Variants in LPA observed in about 807,000 individuals in gnomAD.
LPA encodes the protein lipoprotein(a), also known as apolipoprotein(a).
A neutral mutation model predicts 197.9 loss-of-function variants in LPA; 199 were observed. The ratio of observed to expected loss-of-function variants is 1.01; its 90% CI spans 0.90 to 1.13. The LOEUF is 1.13. LPA is among the 50% of genes most tolerant of loss of function. The pLI is 0.00. For synonymous variants in LPA, 715 were observed against 639.5 expected, an observed-to-expected ratio of 1.12 and a Z score of -1.78; for missense variants, 1,853 against 1,785.8, an observed-to-expected ratio of 1.04 and a Z score of -0.68.
At chr6:160,597,154 G>T (rs1432146802) in intron 20 of LPA, among the ~76,000 whole-genome samples, 1 of 152,168 alleles carries the variant, frequency 6.6e-6, no homozygotes, top group African/African-American at 2.4e-5. Flanking sequence ...CGGTAGTTCG[G>T]TATAATGTTA....
intron 1 of LPA, among the ~76,000 whole-genome samples, chr6:160,658,598 C>T (rs1381652089): frequency 6.6e-6 from 1 of 152,204 alleles, no homozygotes; most frequent in Non-Finnish European, 1.5e-5. Flanking sequence ...AGTCACTAAA[C>T]TCCTTGCCTC....
rs369415160 is a variant in LPA, at chr6:160,531,805, C to T, written c.6047G>A (p.Arg2016His). The T allele has an allele frequency of 3.2e-5, 52 of 1,614,082 alleles. No homozygotes were observed. Among genetic ancestry groups the T allele is most frequent in the African/African-American group, 4.0e-5 (3 of 75,026 alleles). Residue 2016 changes from arginine (R) to histidine (H), a missense_variant, in exon 39 of 39, where the codon CGC (arginine) becomes CAC (histidine). By Grantham distance (29) the Arg-to-His change is conservative (BLOSUM62 0). This residue lies in a region of LPA where 1,737 missense variants were observed against 1,504.4 expected (regional missense o/e 1.15). Coordinates refer to ENST00000316300, the MANE Select transcript of LPA (RefSeq NM_005577.4). Reference sequence around the variant, plus strand: ...AGCATAGACACCAGGCTTATTGGGGCGTGCACAGCCAAGACCCCAAGAAGT... The same window carrying T: ...AGCATAGACACCAGGCTTATTGGGGTGTGCACAGCCAAGACCCCAAGAAGT... ...GVTSWGLGCA[R>H]PNKPGVYARV...
chr6:160,542,294 G>A (rs1777993458), intron 34 of LPA, among the ~76,000 whole-genome samples: 1 of 152,162 alleles, frequency 6.6e-6, no homozygotes, highest in Admixed American at 6.5e-5. Context: ...ATAGACTGTA[G>A]GTAAGTTTGC....
chr6:160,658,884 A>G (rs1780174382), intron 1 of LPA, among the ~76,000 whole-genome samples: 1 of 127,458 alleles, frequency 7.8e-6, no homozygotes, highest in Non-Finnish European at 1.8e-5. Flanking sequence ...TTATATATAT[A>G]TATATATGAG....
intron 20 of LPA, 150 bp from the exon 21 acceptor site, chr6:160,595,685 C>A: frequency 1.8e-6 from 2 of 1,135,800 alleles, no homozygotes; most frequent in Middle Eastern, 2.9e-4. Flanking sequence ...TGGTCCTCAA[C>A]TTCTAAACAA....
In LPA at chr6:160,546,075, G is replaced by T. The variant is rs561285478; in HGVS notation, c.5305-542C>A. Among the ~76,000 whole-genome samples the T allele has an allele frequency of 2.0e-5, 3 of 152,238 alleles. No homozygotes were observed. The South Asian group carries it at 6.2e-4, about 32-fold the overall frequency. Reference sequence around the variant, plus strand: ...TAACACAGAGCTCCTAAATCCCTTGGAGTTTCCTGGGTGAAGGGAGCTGCA... The same window carrying T: ...TAACACAGAGCTCCTAAATCCCTTGTAGTTTCCTGGGTGAAGGGAGCTGCA... On this transcript the variant is annotated intron_variant, in intron 32 of 38. Coordinates refer to ENST00000316300, the MANE Select transcript of LPA (RefSeq NM_005577.4).
chr6:160,588,256 G>GTT (rs201471654), intron 24 of LPA, among the ~76,000 whole-genome samples: 1 of 149,508 alleles, frequency 6.7e-6, no homozygotes, highest in Admixed American at 6.7e-5. Flanking sequence ...GGGGGGTTGA[G>GTT]TTTTTTTTTT....
chr6:160,660,967 C>A (rs1780215212), intron 1 of LPA, among the ~76,000 whole-genome samples: 1 of 152,144 alleles, frequency 6.6e-6, no homozygotes, highest in Non-Finnish European at 1.5e-5. Flanking sequence ...GAGATCAAAT[C>A]TGAGGCAACA....
intron 32 of LPA, 110 bp downstream of exon 32, chr6:160,547,679 G>A (rs1778094645): frequency 6.8e-7 from 1 of 1,475,180 alleles, no homozygotes; most frequent in Non-Finnish European, 9.4e-7. Context: ...CCATGCTAAG[G>A]CTAATTACGC....
At chr6:160,650,583 GTC>G (rs1329733231) in intron 1 of LPA, 86 bp from the exon 2 acceptor site, 1 of 1,373,632 alleles carries the variant, frequency 7.3e-7, no homozygotes, top group Non-Finnish European at 1.0e-6. Flanking sequence ...ACAGGAAAAA[GTC>G]TCTGAGAATT....
intron 19 of LPA, among the ~76,000 whole-genome samples, chr6:160,600,207 G>A (rs1287094935): frequency 6.6e-6 from 1 of 152,142 alleles, no homozygotes; most frequent in Non-Finnish European, 1.5e-5. Context: ...ATGAGTGGAG[G>A]CCAAAAGCTT....
At chr6:160,584,334 CTTT>C (rs61645510) in intron 26 of LPA, among the ~76,000 whole-genome samples, 12 of 105,710 alleles carry the variant, frequency 1.1e-4, no homozygotes, top group Non-Finnish European at 1.2e-4. Context: ...TCTTCTTCTT[CTTT>C]TTTTTTTTTT....
At chr6:160,601,944 C>T (rs1253651647) in intron 18 of LPA, among the ~76,000 whole-genome samples, 9 of 152,188 alleles carry the variant, frequency 5.9e-5, no homozygotes, top group Non-Finnish European at 1.0e-4. Context: ...CTGAAGAGGT[C>T]GGGCAGCTAT....
intron 32 of LPA, among the ~76,000 whole-genome samples, chr6:160,546,637 A>G (rs1778076339): frequency 1.3e-5 from 2 of 152,112 alleles, no homozygotes; most frequent in East Asian, 3.9e-4. Context: ...GTCTTGTAGG[A>G]CTGAGCCTTA....
At chr6:160,564,830 G>A (rs141649847) in intron 28 of LPA, among the ~76,000 whole-genome samples, 1,660 of 152,250 alleles carry the variant, frequency 0.011, 32 homozygotes, top group African/African-American at 0.038. Flanking sequence ...CTTAGCAAAC[G>A]GCACACCAGG....
intron 35 of LPA, among the ~76,000 whole-genome samples, chr6:160,540,692 G>A (rs2114998210): frequency 6.6e-6 from 1 of 152,312 alleles, no homozygotes; most frequent in Non-Finnish European, 1.5e-5. Flanking sequence ...AGAAGCAGAG[G>A]AGATGACAGC....
intron 28 of LPA, among the ~76,000 whole-genome samples, chr6:160,567,558 G>C (rs146214841): frequency 0.011 from 1,650 of 152,194 alleles, 31 homozygotes; most frequent in African/African-American, 0.038. Flanking sequence ...ATCTAAAATT[G>C]ACACCCTAAC....
At chr6:160,655,486 C>T (rs1780116938) in intron 1 of LPA, among the ~76,000 whole-genome samples, 1 of 152,206 alleles carries the variant, frequency 6.6e-6, no homozygotes, top group African/African-American at 2.4e-5. Flanking sequence ...GGCAGCCTTT[C>T]AGGTCACTCG....
chr6:160,545,286 G>A (rs1778047569), intron 33 of LPA, among the ~76,000 whole-genome samples, 154 bp downstream of exon 33: 1 of 151,998 alleles, frequency 6.6e-6, no homozygotes, highest in Admixed American at 6.6e-5. Context: ...CAGGTTCAAG[G>A]TGGCCATGAT....
Sources: allele counts gnomAD v4.1 joint callset (sites outside exome capture counted in the v4.1 genomes callset), GRCh38; gene constraint gnomAD v4.1.1; regional missense constraint gnomAD v4.1.1; transcripts MANE v1.5; gene names NCBI Gene and HGNC (gene_info 2026-07-23, HGNC 2026-07-21).